Variants in HGD observed in about 807,000 individuals in gnomAD.
The protein encoded by HGD is homogentisate 1,2-dioxygenase.
In HGD, 61 loss-of-function variants were observed where a neutral mutation model predicts 60.8. That is an observed-to-expected ratio of 1.00 (90% confidence interval 0.82 to 1.24). HGD has a LOEUF of 1.24. Among genes scored for constraint, HGD ranks in the 50% most tolerant of loss-of-function variants. The pLI is 0.00. For synonymous variants in HGD, 212 were observed against 187.7 expected, an observed-to-expected ratio of 1.13 and a Z score of -1.06; for missense variants, 542 against 547.1, an observed-to-expected ratio of 0.99 and a Z score of 0.09.
At chr3:120,631,474 A>G (rs1940589786) in intron 13 of HGD, among the ~76,000 whole-genome samples, 1 of 150,136 alleles carries the variant, frequency 6.7e-6, no homozygotes. Flanking sequence ...CCCCATAAAT[A>G]TACATACTTA....
At chr3:120,644,276 C>A (rs1335927214) in intron 10 of HGD, 43 bp downstream of exon 10, 3 of 1,612,008 alleles carry the variant, frequency 1.9e-6, no homozygotes, top group South Asian at 2.2e-5. Context: ...AGTGCTCAAT[C>A]ACTCTTCATT....
rs146724525 is a variant in HGD at position 120,651,857 on chromosome 3, G to A, written c.342+735C>T. On this transcript the variant is annotated intron_variant, in intron 5 of 13. Coordinates refer to ENST00000283871, the MANE Select transcript of HGD (RefSeq NM_000187.4). ...ACTAGAGTTGCCATGTTGAATTGACGCCATTCTAGCCCAAGCATCTACTTC... is the reference window on the plus strand; with the variant it reads ...ACTAGAGTTGCCATGTTGAATTGACACCATTCTAGCCCAAGCATCTACTTC... 9.3e-3 allele frequency among the ~76,000 whole-genome samples: 1,418 copies of A among 152,264 alleles called. 22 individuals are homozygous for A. Among genetic ancestry groups the A allele is most frequent in the African/African-American group, 0.032 (1,326 of 41,534 alleles).
At chr3:120,647,318 G>A (rs1941197539) in intron 7 of HGD, among the ~76,000 whole-genome samples, 1 of 152,168 alleles carries the variant, frequency 6.6e-6, no homozygotes, top group African/African-American at 2.4e-5. Context: ...TCAAAAAGGG[G>A]TAGCAGAAAT....
At chr3:120,675,087 G>A (rs566184726) in intron 2 of HGD, 98 bp from the exon 3 acceptor site, 50 of 779,754 alleles carry the variant, frequency 6.4e-5, no homozygotes, top group Admixed American at 1.1e-4. Context: ...TGCTCTGGGC[G>A]ACTGCACATG....
rs1559805130 is a variant in HGD, at chr3:120,680,911, A to AT, written c.15+1185dup. On this transcript the variant is annotated intron_variant, in intron 1 of 13. Coordinates refer to ENST00000283871, the MANE Select transcript of HGD (RefSeq NM_000187.4). The stretch of plus-strand genomic sequence containing the variant: ...GTTTAGGTACAGGCTCCTTTAGGAA[A>AT]TTTTTTTTTGACTCTACCTAGCCCA... 6.6e-5 allele frequency among the ~76,000 whole-genome samples: 10 copies of AT among 151,878 alleles called. No homozygotes were observed. The South Asian group carries it at 1.5e-3, about 22-fold the overall frequency.
intron 3 of HGD, among the ~76,000 whole-genome samples, chr3:120,672,595 G>A (rs1461039647): frequency 2.0e-5 from 3 of 152,186 alleles, no homozygotes; most frequent in Non-Finnish European, 2.9e-5. Context: ...TCTTGATGAC[G>A]TGACCTCAGA....
chr3:120,662,743 C>A (rs1250521794), intron 4 of HGD, among the ~76,000 whole-genome samples: 2 of 152,038 alleles, frequency 1.3e-5, no homozygotes, highest in East Asian at 3.8e-4. Flanking sequence ...GAGTGGGAAT[C>A]CTTAGTAGAT....
At position 120,628,932 on chromosome 3, in the gene HGD, C is replaced by T. The variant is rs553676921; in HGVS notation, c.1189-403G>A. ...TCCTTGTGAGGAAAGTCATACTTCC[C>T]ATTTTGCAGAGGAGGAATTAAGGCT... On this transcript the variant is annotated intron_variant, in intron 13 of 13. Coordinates refer to ENST00000283871, the MANE Select transcript of HGD (RefSeq NM_000187.4). Among the ~76,000 whole-genome samples the T allele has an allele frequency of 9.2e-5, 14 of 152,306 alleles. No individual in the cohort carries two copies. In the South Asian group the frequency reaches 1.0e-3, roughly 11 times the overall value.
At chr3:120,679,805 A>C (rs1708200921) in intron 1 of HGD, among the ~76,000 whole-genome samples, 1 of 152,228 alleles carries the variant, frequency 6.6e-6, no homozygotes, top group African/African-American at 2.4e-5. Flanking sequence ...TCTCTCATAG[A>C]GTCTCCAGAA....
At chr3:120,641,515 G>T in intron 11 of HGD, 74 bp downstream of exon 11, 1 of 879,132 alleles carries the variant, frequency 1.1e-6, no homozygotes, top group Admixed American at 1.7e-5. Context: ...ATCTGTAAAT[G>T]TCAGGGGTCT....
At chr3:120,655,001 G>A (rs1418791609) in intron 4 of HGD, among the ~76,000 whole-genome samples, 2 of 152,342 alleles carry the variant, frequency 1.3e-5, no homozygotes, top group South Asian at 2.1e-4. Flanking sequence ...AACCTGGGAG[G>A]TGGAGGTTGC....
At chr3:120,650,943 G>T (rs2551610) in intron 5 of HGD, 78 bp from the exon 6 acceptor site, 22 of 1,063,616 alleles carry the variant, frequency 2.1e-5, no homozygotes, top group Non-Finnish European at 2.9e-5. Flanking sequence ...GTCCCTGAGG[G>T]TCATGAGGCA....
intron 1 of HGD, among the ~76,000 whole-genome samples, chr3:120,678,884 A>C (rs1260589634): frequency 6.6e-6 from 1 of 152,142 alleles, no homozygotes; most frequent in African/African-American, 2.4e-5. Flanking sequence ...CAGAATCTGA[A>C]CTCTGCTTTT....
chr3:120,638,404 C>T (rs1159368804), intron 12 of HGD, 51 bp downstream of exon 12: 1 of 1,611,206 alleles, frequency 6.2e-7, no homozygotes, highest in Non-Finnish European at 8.5e-7. Context: ...GCGCTCACTG[C>T]TTTGTTGTCT....
chr3:120,661,478 C>A (rs1422970766), intron 4 of HGD, among the ~76,000 whole-genome samples: 1 of 152,082 alleles, frequency 6.6e-6, no homozygotes, highest in Non-Finnish European at 1.5e-5. Flanking sequence ...CTCAGGTAAT[C>A]CATTACAGAA....
chr3:120,653,248 CACA>C (rs1941397126), intron 4 of HGD, among the ~76,000 whole-genome samples: 1 of 152,192 alleles, frequency 6.6e-6, no homozygotes, highest in Admixed American at 6.5e-5. Flanking sequence ...CAGTTTAAAT[CACA>C]ACAATCTTTA....
rs201527322 is a variant in HGD at position 120,630,825 on chromosome 3, T to C, written c.1189-2296A>G. Among the ~76,000 whole-genome samples, 691 of 104,072 alleles carry C rather than the reference T, an allele frequency of 6.6e-3. 2 individuals are homozygous for C. Among genetic ancestry groups the C allele is most frequent in the Non-Finnish European group, 9.4e-3 (515 of 54,924 alleles). 68.3% of individuals were successfully genotyped at this position (104,072 alleles called of 152,430 possible). A position where few individuals can be genotyped will look rare whatever the true frequency, so the allele number is the denominator to read the frequency against. On this transcript the variant is annotated intron_variant, in intron 13 of 13. Coordinates refer to ENST00000283871, the MANE Select transcript of HGD (RefSeq NM_000187.4). ...ATATATATATATATATATATATATA[T>C]ACACATACACACACACATACACACA... is the stretch of plus-strand genomic sequence containing the variant.
At chr3:120,678,018 G>A (rs1197054970) in intron 1 of HGD, 1 of 152,188 alleles carries the variant, frequency 6.6e-6, no homozygotes, top group African/African-American at 2.4e-5. Context: ...TATCAGATGT[G>A]AATGTTATGA....
At chr3:120,629,512 G>C (rs1378784577) in intron 13 of HGD, among the ~76,000 whole-genome samples, 1 of 152,158 alleles carries the variant, frequency 6.6e-6, no homozygotes, top group African/African-American at 2.4e-5. Flanking sequence ...AGATCATATG[G>C]AAGTGCTATG....
Sources: allele counts gnomAD v4.1 joint callset (sites outside exome capture counted in the v4.1 genomes callset), GRCh38; gene constraint gnomAD v4.1.1; transcripts MANE v1.5; gene names NCBI Gene and HGNC (gene_info 2026-07-23, HGNC 2026-07-21).